The following DPH1 variants were observed in gnomAD, a reference collection of about 807,000 sequenced individuals.
DPH1 encodes the protein diphthamide biosynthesis 1.
A neutral mutation model predicts 55.3 loss-of-function variants in DPH1; 59 were observed. That is an observed-to-expected ratio of 1.07 (90% confidence interval 0.87 to 1.33). The LOEUF is 1.33. Among genes scored for constraint, DPH1 ranks in the 40% most tolerant of loss-of-function variants. The pLI is 0.00. For missense variants in DPH1, 628 were observed against 584.8 expected (o/e 1.07, Z -0.76); for synonymous variants, 238 against 235.5 (o/e 1.01, Z -0.10).
At chr17:2,030,863 A>G (rs571255655) in intron 1 of DPH1, among the ~76,000 whole-genome samples, 1 of 152,306 alleles carries the variant, frequency 6.6e-6, no homozygotes, top group South Asian at 2.1e-4. Flanking sequence ...AAGGCTTTTG[A>G]AACAACTGGC....
At position 2,033,627 on chromosome 17, in the gene DPH1, T is replaced by C. The variant is rs563411784; in HGVS notation, c.184T>C (p.Trp62Arg). 1.9e-6 allele frequency: 3 copies of C among 1,614,224 alleles called. No individual in the cohort carries two copies. Residue 62 changes from tryptophan to arginine, a missense_variant, in exon 2 of 13, where the codon TGG becomes CGG. Trp to Arg is a moderately radical substitution (Grantham distance 101). Transcript: ENST00000263083. The part of the protein sequence containing the change: ...NYNFEIPKTI[W>R]RIQQAQAKKV... ...CAACTTTGAGATCCCCAAGACCATC[T>C]GGAGGATCCAACAAGCCCAGGCCAA... is the stretch of plus-strand genomic sequence containing the variant.
At chr17:2,030,919 C>T (rs964876733) in intron 1 of DPH1, among the ~76,000 whole-genome samples, 5 of 152,204 alleles carry the variant, frequency 3.3e-5, no homozygotes, top group African/African-American at 1.2e-4. Flanking sequence ...CTCAGGGCCC[C>T]AGCCTCCGCT....
chr17:2,040,910 T>C (rs1380174444), intron 9 of DPH1, 193 bp from the exon 10 acceptor site: 4 of 670,346 alleles, frequency 6.0e-6, no homozygotes, highest in Non-Finnish European at 1.0e-5. Context: ...GGAAAGCTCA[T>C]TGTCGGCAGA....
chr17:2,042,403 C>G, intron 12 of DPH1: 3 of 1,254,832 alleles, frequency 2.4e-6, no homozygotes, highest in Non-Finnish European at 2.1e-6. Flanking sequence ...GCCTGTCCTC[C>G]CAGGCTTCCG....
chr17:2,035,946 C>A, intron 3 of DPH1, 24 bp from the exon 4 acceptor site: 2 of 1,613,494 alleles, frequency 1.2e-6, no homozygotes, highest in Non-Finnish European at 1.7e-6. Flanking sequence ...CCTGTCCCAC[C>A]GTTCCCCGCC....
Position 2,041,786 on chromosome 17 carries a change from C to G in DPH1, c.1246C>G (p.Arg416Gly). The G allele has an allele frequency of 6.2e-7, 1 of 1,606,058 alleles. No homozygotes were observed. Among genetic ancestry groups the G allele is most frequent in the Non-Finnish European group, 8.5e-7 (1 of 1,176,948 alleles). ...ACCTCAGGTGCAGGAGGGGTCCGCG[C>G]GTCCCCCTTCGGCCGTGGCTTGCGA... ...ARGKVQEGSA[R>G]PPSAVACEDC... Residue 416 changes from arginine (R) to glycine (G), a missense_variant, in exon 12 of 13, where the codon CGT becomes GGT. Coordinates refer to ENST00000263083, the MANE Select transcript of DPH1 (RefSeq NM_001383.6).
intron 3 of DPH1, among the ~76,000 whole-genome samples, chr17:2,034,061 C>T (rs911755736): frequency 6.6e-6 from 1 of 152,158 alleles, no homozygotes; most frequent in African/African-American, 2.4e-5. Context: ...CCCCCCTCCC[C>T]TAAACATTTG....
At chr17:2,039,702 AG>A in intron 6 of DPH1, 52 bp from the exon 7 acceptor site, 1 of 1,611,942 alleles carries the variant, frequency 6.2e-7, no homozygotes, top group South Asian at 1.1e-5. Context: ...TAAGCCAGCG[AG>A]TGCCTCTTCT....
chr17:2,040,702 T>C, intron 9 of DPH1, 97 bp downstream of exon 9: 1 of 1,390,986 alleles, frequency 7.2e-7, no homozygotes, highest in Non-Finnish European at 1.0e-6. Flanking sequence ...ATTGCTTCCA[T>C]GGTCATGGAA....
At position 2,040,624 on chromosome 17, in the gene DPH1, A is replaced by G; in HGVS notation, c.1007+19A>G. On this transcript the variant is annotated intron_variant, in intron 9 of 12. Transcript: ENST00000263083. ...TGGATGTGTGAGTATCTGCCTGGCT[A>G]TGACTGGCTAAAGAAGCTTAGAAGC... 1.2e-6 allele frequency: 2 copies of G among 1,610,642 alleles called. No homozygotes were observed. Among genetic ancestry groups the G allele is most frequent in the Non-Finnish European group, 8.5e-7 (1 of 1,176,906 alleles).
intron 6 of DPH1, 110 bp from the exon 7 acceptor site, chr17:2,039,645 G>A (rs2067481943): frequency 3.0e-6 from 4 of 1,326,632 alleles, no homozygotes; most frequent in Non-Finnish European, 4.3e-6. Context: ...CCAAAGTGCT[G>A]GGATTACAGG....
chr17:2,035,251 C>T (rs1484561752), intron 3 of DPH1, among the ~76,000 whole-genome samples: 6 of 152,092 alleles, frequency 3.9e-5, no homozygotes, highest in Non-Finnish European at 5.9e-5. Context: ...CCCACCCCCT[C>T]CCCCAGTGAT....
At position 2,041,143 on chromosome 17, in the gene DPH1, G is replaced by A. The variant is rs750030837; in HGVS notation, c.1048G>A (p.Gly350Ser). The A allele has an allele frequency of 7.5e-6, 12 of 1,606,222 alleles. No individual in the cohort carries two copies. Among genetic ancestry groups the A allele is most frequent in the Non-Finnish European group, 1.0e-5 (12 of 1,176,546 alleles). Reference protein sequence around the residue: ...VACPRLSIDWGTAFPKPLLTP... With the variant: ...VACPRLSIDWSTAFPKPLLTP... ...ATGTCCACGTCTCTCCATTGACTGG[G>A]GCACAGCCTTCCCCAAGCCGCTGCT... Residue 350 changes from glycine to serine, a missense_variant, in exon 10 of 13, where the codon GGC (glycine) becomes AGC (serine). By Grantham distance (56) the Gly-to-Ser change is moderately conservative (BLOSUM62 0). Coordinates refer to ENST00000263083, the MANE Select transcript of DPH1 (RefSeq NM_001383.6).
rs777260398 is a variant in DPH1 at position 2,030,169 on chromosome 17, G to C, written c.-1G>C. ...TTTAGTACCACATGCGCAGGCAGGT[G>C]ATGGCGGCGCTGGTCGTATCCGGGG... On this transcript the variant is annotated 5_prime_UTR_variant, in exon 1 of 13. Transcript: ENST00000263083. 5.6e-6 allele frequency: 9 copies of C among 1,603,010 alleles called. No homozygotes were observed. The South Asian group carries it at 1.0e-4, about 18-fold the overall frequency.
rs1013685551 is a variant in DPH1, at chr17:2,041,827, GGAC to G, written c.1290_1292del (p.Asp430del). ...TGGCTTGCGAGGACTGCAGCTGCAG[GGAC>G]GAGAAGGTGGCGCCGCTGGCTCCTT... On this transcript the variant is annotated inframe_deletion, in exon 12 of 13. Coordinates refer to ENST00000263083, the MANE Select transcript of DPH1 (RefSeq NM_001383.6). 1.2e-6 allele frequency: 2 copies of G among 1,604,940 alleles called. No individual in the cohort carries two copies. The highest frequency in any genetic ancestry group is 2.7e-5 in the African/African-American group (2 of 74,822).
Position 2,043,261 on chromosome 17 carries a change from C to T in DPH1, c.*675C>T. The T allele has an allele frequency of 1.1e-6, 1 of 911,898 alleles. No homozygotes were observed. The highest frequency in any genetic ancestry group is 1.6e-6 in the Non-Finnish European group (1 of 613,016). The allele number at this position is 911,898 out of a possible 1,614,324, so 56.5% of individuals were successfully genotyped here. On this transcript the variant is annotated 3_prime_UTR_variant, in exon 13 of 13. Coordinates refer to ENST00000263083, the MANE Select transcript of DPH1 (RefSeq NM_001383.6). ...ATTCTTGAGACCCAAATTATAAGGG[C>T]CCTGCCCTGTACTGAAGAAAAGGGG...
Position 2,042,124 on chromosome 17 carries a change from C to G in DPH1, c.*18+249C>G, listed in dbSNP as rs777971917. On this transcript the variant is annotated intron_variant, in intron 12 of 12. Coordinates refer to ENST00000263083, the MANE Select transcript of DPH1 (RefSeq NM_001383.6). ...AGCGAGCGGGGCTTCCGTGAGAAGA[C>G]CGGGGCGCTGAGGAAGGCGCTGCGG... 22 of 1,560,386 alleles carry G rather than the reference C, an allele frequency of 1.4e-5. No homozygotes were observed. In the Middle Eastern group the frequency reaches 5.5e-4, roughly 39 times the overall value.
chr17:2,042,370 A>G (rs2067554395), intron 12 of DPH1: 1 of 1,303,526 alleles, frequency 7.7e-7, no homozygotes, highest in Non-Finnish European at 1.0e-6. Context: ...CTCGCGACCC[A>G]TACCCTCTTT....
chr17:2,038,781 G>A (rs931214404), intron 6 of DPH1, among the ~76,000 whole-genome samples: 1 of 152,174 alleles, frequency 6.6e-6, no homozygotes, highest in African/African-American at 2.4e-5. Flanking sequence ...GTCCACATCT[G>A]TATTGAGCTT....
Sources: gnomAD v4.1 joint callset for allele counts (sites outside exome capture counted in the v4.1 genomes callset) on GRCh38, gnomAD v4.1.1 for gene constraint, MANE v1.5 for transcripts, NCBI Gene and HGNC (gene_info 2026-07-23, HGNC 2026-07-21) for gene names.